GON4L: variants seen among roughly 807,000 people sequenced by gnomAD.
GON4L encodes GON-4-like protein.
In GON4L, 87 loss-of-function variants were observed where a neutral mutation model predicts 211.8. That is an observed-to-expected ratio of 0.41 (90% confidence interval 0.35 to 0.49). The LOEUF is 0.49. GON4L is among the 20% of genes least tolerant of loss of function. The pLI, the probability that GON4L is intolerant of heterozygous loss-of-function variation, is 0.15. For synonymous variants in GON4L, 875 were observed against 962.6 expected (o/e 0.91, Z 1.68); for missense variants, 2,155 against 2,659.5 (o/e 0.81, Z 4.17).
intron 29 of GON4L, 92 bp from the exon 30 acceptor site, chr1:155,752,682 T>C (rs1168636171): frequency 2.5e-5 from 38 of 1,539,468 alleles, no homozygotes; most frequent in Middle Eastern, 2.3e-4. Context: ...TGTGCAAAAA[T>C]TCTAATAAAA....
chr1:155,784,645 G>T (rs1425704664), intron 13 of GON4L: 1 of 168,778 alleles, frequency 5.9e-6, no homozygotes, highest in Non-Finnish European at 1.3e-5. Flanking sequence ...GCCTCCCAAA[G>T]TGCTGGGATT....
intron 14 of GON4L, among the ~76,000 whole-genome samples, chr1:155,780,917 T>C (rs2101880514): frequency 6.6e-6 from 1 of 152,208 alleles, no homozygotes; most frequent in South Asian, 2.1e-4. Flanking sequence ...CATTTATCTA[T>C]TGGGGATAAA....
intron 28 of GON4L, chr1:155,753,909 A>C: frequency 4.6e-6 from 1 of 217,520 alleles, no homozygotes; most frequent in Non-Finnish European, 9.2e-6. Context: ...TCACTCTGTC[A>C]CCCAGGCTGG....
Position 155,750,575 on chromosome 1 carries a change from C to A in GON4L, c.*9G>T. 6.3e-7 allele frequency: 1 copy of A among 1,586,354 alleles called. No individual in the cohort carries two copies. Among genetic ancestry groups the A allele is most frequent in the South Asian group, 1.1e-5 (1 of 90,076 alleles). On this transcript the variant is annotated 3_prime_UTR_variant, in exon 32 of 32. Transcript: ENST00000368331. ...TGGGTTTGGTCCTGTGTAGATGATTCCCAGAGTCTCATTCATCCAGCTCCT... is the reference window on the plus strand; with the variant it reads ...TGGGTTTGGTCCTGTGTAGATGATTACCAGAGTCTCATTCATCCAGCTCCT...
Position 155,753,357 on chromosome 1 carries a change from G to T in GON4L, c.5689C>A (p.Pro1897Thr). The change falls in exon 29 of 32, where the codon CCC (proline) becomes ACC (threonine). Residue 1897 changes from proline (P) to threonine (T), a missense_variant. This residue lies in a region of GON4L where 455 missense variants were observed against 504.6 expected (regional missense o/e 0.90). Coordinates refer to ENST00000368331, the MANE Select transcript of GON4L (RefSeq NM_001282860.2). Reference protein sequence around the residue: ...KEPHELVGSSPHREASPMPGA... With the variant: ...KEPHELVGSSTHREASPMPGA... ...GGCATAGGACTAGCCTCTCGGTGGG[G>T]GCTGCTGCCCACCAACTCATGGGGC... 6.2e-7 allele frequency: 1 copy of T among 1,611,776 alleles called. No homozygotes were observed. The highest frequency in any genetic ancestry group is 8.5e-7 in the Non-Finnish European group (1 of 1,179,058).
At chr1:155,802,900 G>A (rs1410678829) in intron 11 of GON4L, among the ~76,000 whole-genome samples, 2 of 152,154 alleles carry the variant, frequency 1.3e-5, no homozygotes, top group Non-Finnish European at 2.9e-5. Context: ...AGGCTGCAGT[G>A]AGCTAAGATC....
intron 21 of GON4L, chr1:155,764,581 A>T: frequency 2.6e-6 from 1 of 380,994 alleles, no homozygotes. Context: ...CAGGGATTAC[A>T]GGTGTCCGCC....
At chr1:155,794,161 G>A (rs902347544) in intron 12 of GON4L, among the ~76,000 whole-genome samples, 3 of 150,652 alleles carry the variant, frequency 2.0e-5, no homozygotes, top group East Asian at 2.0e-4. Context: ...AACCTCTCCC[G>A]CCTGAGTTCA....
chr1:155,778,152 A>G (rs914483078), intron 14 of GON4L, among the ~76,000 whole-genome samples: 7 of 152,028 alleles, frequency 4.6e-5, no homozygotes, highest in African/African-American at 1.4e-4. Context: ...GGAACTCATC[A>G]TTCTCATTTC....
intron 3 of GON4L, among the ~76,000 whole-genome samples, chr1:155,825,903 C>T (rs1669164654): frequency 1.3e-5 from 2 of 151,814 alleles, no homozygotes; most frequent in African/African-American, 4.8e-5. Flanking sequence ...ATTAGCTGGG[C>T]ATGATGGCAG....
chr1:155,781,623 T>G (rs1211814170), intron 14 of GON4L, among the ~76,000 whole-genome samples: 1 of 145,908 alleles, frequency 6.9e-6, no homozygotes, highest in African/African-American at 2.6e-5. Context: ...CTACCATGCC[T>G]GGCTAATTTT....
intron 15 of GON4L, among the ~76,000 whole-genome samples, chr1:155,776,953 C>G (rs924005341): frequency 1.3e-5 from 2 of 152,154 alleles, no homozygotes; most frequent in African/African-American, 4.8e-5. Context: ...ATAAATCTCT[C>G]AGACATGTTC....
intron 12 of GON4L, among the ~76,000 whole-genome samples, chr1:155,789,559 T>A (rs1665309990): frequency 1.3e-5 from 2 of 152,048 alleles, no homozygotes; most frequent in Non-Finnish European, 2.9e-5. Context: ...GAAGATCGCT[T>A]GACCGCAAGA....
Position 155,770,474 on chromosome 1 carries a change from G to C in GON4L, c.2646+593C>G, listed in dbSNP as rs1289298517. Among the ~76,000 whole-genome samples, 8 of 152,200 alleles carry C rather than the reference G, an allele frequency of 5.3e-5. No individual in the cohort carries two copies. The South Asian group carries it at 1.2e-3, about 24-fold the overall frequency. On this transcript the variant is annotated intron_variant, in intron 19 of 31. Coordinates refer to ENST00000368331, the MANE Select transcript of GON4L (RefSeq NM_001282860.2). ...GAACCCAGGAGTTTGAGGCTACAGT[G>C]ACCTATGACTGAGCCAATGCACTCC...
chr1:155,799,832 C>T (rs1341088188), intron 11 of GON4L, among the ~76,000 whole-genome samples: 2 of 152,186 alleles, frequency 1.3e-5, no homozygotes, highest in Non-Finnish European at 2.9e-5. Flanking sequence ...GCTGCTGCTA[C>T]CAATAACGCT....
chr1:155,808,526 T>G (rs942658227), intron 10 of GON4L, among the ~76,000 whole-genome samples: 3 of 152,194 alleles, frequency 2.0e-5, no homozygotes, highest in Non-Finnish European at 4.4e-5. Context: ...ATGTGCTGTT[T>G]CTTCCATATG....
chr1:155,852,720 G>T (rs1006552211), intron 2 of GON4L, among the ~76,000 whole-genome samples: 1 of 152,172 alleles, frequency 6.6e-6, no homozygotes, highest in African/African-American at 2.4e-5. Flanking sequence ...CCTGGCCTGG[G>T]TGACAGAGCG....
intron 2 of GON4L, among the ~76,000 whole-genome samples, chr1:155,850,686 T>C (rs548265441): frequency 1.3e-5 from 2 of 152,274 alleles, no homozygotes; most frequent in East Asian, 3.8e-4. Flanking sequence ...ATACTGAGAA[T>C]GTACCAGTAG....
chr1:155,756,681 T>A (rs1241109365), intron 27 of GON4L: 1 of 363,610 alleles, frequency 2.8e-6, no homozygotes, highest in Non-Finnish European at 5.2e-6. Flanking sequence ...TCCCAGCACT[T>A]TGGGAGGCCG....
Sources: gnomAD v4.1 joint callset for allele counts (sites outside exome capture counted in the v4.1 genomes callset) on GRCh38, gnomAD v4.1.1 for gene constraint, gnomAD v4.1.1 regional missense constraint, MANE v1.5 for transcripts, NCBI Gene and HGNC (gene_info 2026-07-23, HGNC 2026-07-21) for gene names.